The following RSF1 variants were observed in gnomAD, a reference collection of about 807,000 sequenced individuals.
RSF1 encodes HBV pX-associated protein 8.
RSF1 carries 13 observed loss-of-function variants against 145.2 expected under a neutral mutation model. The ratio of observed to expected loss-of-function variants is 0.09; its 90% CI spans 0.06 to 0.14. RSF1 has a LOEUF of 0.14. Among genes scored for constraint, RSF1 ranks in the 10% least tolerant of loss-of-function variants. RSF1 has a pLI of 1.00. For missense variants in RSF1, 1,517 were observed against 1,718.2 expected, an observed-to-expected ratio of 0.88 and a Z score of 2.07; for synonymous variants, 577 against 592.6, an observed-to-expected ratio of 0.97 and a Z score of 0.38.
At chr11:77,869,340 T>A in the RSF1 span, 15 of 151,424 alleles carry the variant, frequency 9.9e-5, no homozygotes, top group Non-Finnish European at 1.4e-4. Context: ...TTAGATAGGG[T>A]CTCACTGTGT....
At position 77,722,568 on chromosome 11, in the gene RSF1, G is replaced by A. The variant is rs78395419; in HGVS notation, c.733+2977C>T. On this transcript the variant is annotated intron_variant, in intron 5 of 15. Coordinates refer to ENST00000308488, the MANE Select transcript of RSF1 (RefSeq NM_016578.4). Reference sequence around the variant, plus strand: ...CTCTAGACCACTTTAAGAGCATAGGGTATAGAAGGATCAGGCTTCAAATCT... The same window carrying A: ...CTCTAGACCACTTTAAGAGCATAGGATATAGAAGGATCAGGCTTCAAATCT... Among the ~76,000 whole-genome samples the A allele has an allele frequency of 5.3e-5, 8 of 152,226 alleles. No homozygotes were observed. In the East Asian group the frequency reaches 1.5e-3, roughly 29 times the overall value.
chr11:77,675,030 T>A lies in RSF1; in HGVS notation c.3562+6A>T. 6.3e-7 allele frequency: 1 copy of A among 1,580,880 alleles called. No individual in the cohort carries two copies. Among genetic ancestry groups the A allele is most frequent in the Non-Finnish European group, 8.6e-7 (1 of 1,166,058 alleles). On this transcript the variant is annotated splice_donor_region_variant and intron_variant, in intron 14 of 15. Transcript: ENST00000308488. ...GAGCTACCATATGGTTACAGATTATTTTTACCAGAGTCTCTACTATTCTCC... is the reference window on the plus strand; with the variant it reads ...GAGCTACCATATGGTTACAGATTATATTTACCAGAGTCTCTACTATTCTCC...
intron 4 of RSF1, among the ~76,000 whole-genome samples, chr11:77,730,680 G>A (rs1961184310): frequency 6.6e-6 from 1 of 152,204 alleles, no homozygotes; most frequent in South Asian, 2.1e-4. Context: ...CCCAGTGGGA[G>A]GTGATTGAAT....
At chr11:77,770,484 T>C (rs962948923) in intron 1 of RSF1, among the ~76,000 whole-genome samples, 8 of 152,026 alleles carry the variant, frequency 5.3e-5, no homozygotes, top group African/African-American at 1.9e-4. Context: ...AACAAAAGTA[T>C]AGCACAGAGA....
chr11:77,858,629 C>G, the RSF1 span, among the ~76,000 whole-genome samples: 4 of 152,102 alleles, frequency 2.6e-5, no homozygotes, highest in Admixed American at 2.6e-4. Flanking sequence ...TCTCAGTCCC[C>G]CCTCTCAACA....
intron 1 of RSF1, among the ~76,000 whole-genome samples, chr11:77,772,271 C>A (rs1265657353): frequency 6.6e-6 from 1 of 151,932 alleles, no homozygotes; most frequent in Admixed American, 6.6e-5. Context: ...CTGGACTCAA[C>A]TGATCCTTCT....
At chr11:77,672,315 A>G (rs764676194) in intron 14 of RSF1, 85 bp from the exon 15 acceptor site, 9 of 1,033,512 alleles carry the variant, frequency 8.7e-6, no homozygotes, top group Non-Finnish European at 1.2e-5. Context: ...AAAGCTACCA[A>G]GCAGAGTTCA....
intron 1 of RSF1, among the ~76,000 whole-genome samples, chr11:77,765,720 G>C (rs903899997): frequency 1.3e-5 from 2 of 152,134 alleles, no homozygotes; most frequent in Non-Finnish European, 2.9e-5. Flanking sequence ...TTAGACCAGA[G>C]GGACACATAC....
At chr11:77,800,908 G>C (rs539637842) in intron 1 of RSF1, among the ~76,000 whole-genome samples, 2 of 152,210 alleles carry the variant, frequency 1.3e-5, no homozygotes, top group East Asian at 1.9e-4. Flanking sequence ...AGGAAGCTGA[G>C]GCAAGAGGAC....
At position 77,702,001 on chromosome 11, in the gene RSF1, T is replaced by A. The variant is rs781620946; in HGVS notation, c.1228A>T (p.Thr410Ser). The change falls in exon 6 of 16, where the codon ACA becomes TCA. Residue 410 changes from threonine to serine, a missense_variant. Thr to Ser is a moderately conservative substitution (Grantham distance 58, BLOSUM62 1). Transcript: ENST00000308488. ...KGPLCKSVTP[T>S]KEFLKDEIKQ... ...ATTTCATCTTTCAAAAACTCTTTTG[T>A]TGGAGTAACTGATTTACACAAAGGT... 11 of 1,613,944 alleles carry A rather than the reference T, an allele frequency of 6.8e-6. No homozygotes were observed. Among genetic ancestry groups the A allele is most frequent in the Admixed American group, 1.7e-5 (1 of 59,978 alleles).
At chr11:77,698,767 A>G in intron 6 of RSF1, 74 bp from the exon 7 acceptor site, 1 of 1,248,556 alleles carries the variant, frequency 8.0e-7, no homozygotes, top group Non-Finnish European at 1.2e-6. Flanking sequence ...TTACATGTCC[A>G]TTGTATAATA....
At chr11:77,676,096 T>C (rs992118814) in intron 13 of RSF1, among the ~76,000 whole-genome samples, 1 of 152,214 alleles carries the variant, frequency 6.6e-6, no homozygotes, top group Non-Finnish European at 1.5e-5. Flanking sequence ...GTGACTTCTA[T>C]GCTTAGAATA....
chr11:77,675,317 A>G (rs1022447099), intron 13 of RSF1, 61 bp from the exon 14 acceptor site: 7 of 1,353,708 alleles, frequency 5.2e-6, no homozygotes, highest in Non-Finnish European at 6.0e-6. Context: ...CATTTTTAAG[A>G]GTTCTGAGTT....
Position 77,666,759 on chromosome 11 carries a change from G to A in RSF1, c.*158C>T. 1 of 504,392 alleles carries A rather than the reference G, an allele frequency of 2.0e-6. No homozygotes were observed. Among genetic ancestry groups the A allele is most frequent in the African/African-American group, 1.9e-5 (1 of 52,610 alleles). The allele number at this position is 504,392 out of a possible 1,614,324, so 31.2% of individuals were successfully genotyped here. ...TATTTATCTTCAAAGTTCAGAACTG[G>A]TCACTTCACAGAAAGACTTCAGGAT... On this transcript the variant is annotated 3_prime_UTR_variant, in exon 16 of 16. Transcript: ENST00000308488.
intron 1 of RSF1, among the ~76,000 whole-genome samples, chr11:77,807,112 C>T (rs1948685211): frequency 6.6e-6 from 1 of 152,200 alleles, no homozygotes; most frequent in African/African-American, 2.4e-5. Flanking sequence ...AACTCCCAAT[C>T]TAATTTTCTC....
chr11:77,768,161 C>CTTTTTTTT (rs758401653), intron 1 of RSF1, among the ~76,000 whole-genome samples: 1 of 122,816 alleles, frequency 8.1e-6, no homozygotes, highest in African/African-American at 3.2e-5. Context: ...ATATTATCAG[C>CTTTTTTTT]TTTTTTTTTT....
chr11:77,681,641 G>A (rs1391679440), intron 11 of RSF1, among the ~76,000 whole-genome samples: 1 of 152,188 alleles, frequency 6.6e-6, no homozygotes, highest in Non-Finnish European at 1.5e-5. Flanking sequence ...GCACCTAGCT[G>A]AAATGAGTTG....
chr11:77,730,500 C>G (rs986394679), intron 4 of RSF1, among the ~76,000 whole-genome samples: 1 of 152,134 alleles, frequency 6.6e-6, no homozygotes. Flanking sequence ...TATCACTATT[C>G]CCACAAAAAT....
intron 1 of RSF1, among the ~76,000 whole-genome samples, chr11:77,782,277 A>T (rs1316207467): frequency 6.6e-6 from 1 of 152,234 alleles, no homozygotes; most frequent in East Asian, 1.9e-4. Flanking sequence ...GTGGTGGCTC[A>T]CGCCTGTAAT....
Sources: gnomAD v4.1 joint callset for allele counts (sites outside exome capture counted in the v4.1 genomes callset) on GRCh38, gnomAD v4.1.1 for gene constraint, MANE v1.5 for transcripts, NCBI Gene and HGNC (gene_info 2026-07-23, HGNC 2026-07-21) for gene names.